Variants in VPS13B observed in about 807,000 individuals in gnomAD.
VPS13B encodes the protein intermembrane lipid transfer protein VPS13B.
VPS13B carries 285 observed loss-of-function variants against 426.4 expected under a neutral mutation model. That is an observed-to-expected ratio of 0.67 (90% CI 0.61 to 0.74). The LOEUF (loss-of-function observed/expected upper bound fraction) is 0.74. Among genes scored for constraint, VPS13B ranks in the 30% least tolerant of loss-of-function variants. The pLI is 0.00. For missense variants in VPS13B, 4,537 were observed against 4,782.6 expected (o/e 0.95, Z 1.51); for synonymous variants, 1,676 against 1,676.4 (o/e 1.00, Z 0.01).
intron 15 of VPS13B, among the ~76,000 whole-genome samples, chr8:99,169,789 T>TA (rs1028708513): frequency 6.6e-6 from 1 of 151,996 alleles, no homozygotes; most frequent in Non-Finnish European, 1.5e-5. Context: ...ATGTGAAACT[T>TA]AAAAAAATTT....
intron 25 of VPS13B, among the ~76,000 whole-genome samples, chr8:99,487,874 C>T (rs1349327551): frequency 6.6e-6 from 1 of 152,106 alleles, no homozygotes; most frequent in Non-Finnish European, 1.5e-5. Context: ...GTTATTTCTA[C>T]CCTTTTGTCT....
At chr8:99,391,781 G>A in intron 21 of VPS13B, 77 bp downstream of exon 21, 2 of 1,549,084 alleles carry the variant, frequency 1.3e-6, no homozygotes, top group Non-Finnish European at 1.8e-6. Flanking sequence ...ACAATTTCAT[G>A]GATGCTGGCC....
chr8:99,605,882 TTTGTTTGTTTGC>T lies in VPS13B; in HGVS notation c.5220+28268_5220+28279del, dbSNP rs755593652. Among the ~76,000 whole-genome samples, 29 of 152,270 alleles carry T rather than the reference TTTGTTTGTTTGC, an allele frequency of 1.9e-4. No individual in the cohort carries two copies. The East Asian group carries it at 2.7e-3, about 14-fold the overall frequency. On this transcript the variant is annotated intron_variant, in intron 33 of 61. Coordinates refer to ENST00000357162, the MANE Select transcript of VPS13B (RefSeq NM_152564.5). ...AAGAGGCCTTGGAGCTGAAACTTTT[TTTGTTTGTTTGC>T]TTGTTTGTTTGCTTGTTTTGAGACA... is the stretch of plus-strand genomic sequence containing the variant.
intron 35 of VPS13B, among the ~76,000 whole-genome samples, chr8:99,663,222 G>A (rs1830312171): frequency 6.6e-6 from 1 of 152,162 alleles, no homozygotes. Flanking sequence ...TACTACAGAT[G>A]GAGAAAGCCA....
intron 36 of VPS13B, among the ~76,000 whole-genome samples, chr8:99,701,956 A>AT (rs533833594): frequency 6.6e-6 from 1 of 152,180 alleles, no homozygotes; most frequent in African/African-American, 2.4e-5. Flanking sequence ...ATTGCCACAT[A>AT]TTTTTTTCAA....
At chr8:99,493,648 G>A (rs1034442832) in intron 25 of VPS13B, among the ~76,000 whole-genome samples, 6 of 152,030 alleles carry the variant, frequency 3.9e-5, no homozygotes, top group African/African-American at 1.4e-4. Context: ...AACTGGGTGT[G>A]GTGGCGTGTG....
chr8:99,354,855 G>GT (rs1812096506), intron 19 of VPS13B, among the ~76,000 whole-genome samples: 1 of 152,048 alleles, frequency 6.6e-6, no homozygotes, highest in East Asian at 1.9e-4. Context: ...CAAGGCCCCA[G>GT]CAGTCTTTGG....
chr8:99,532,160 C>G (rs1357392064), intron 30 of VPS13B, among the ~76,000 whole-genome samples: 2 of 151,932 alleles, frequency 1.3e-5, no homozygotes. Context: ...TTCTGAAGTC[C>G]CTTCTGGAAT....
chr8:99,126,139 A>G (rs939854134), intron 8 of VPS13B, among the ~76,000 whole-genome samples: 1 of 152,196 alleles, frequency 6.6e-6, no homozygotes, highest in Non-Finnish European at 1.5e-5. Flanking sequence ...TGATAGCAGG[A>G]AAGAAAGCAA....
At chr8:99,427,377 G>A (rs1487429628) in intron 21 of VPS13B, among the ~76,000 whole-genome samples, 2 of 141,750 alleles carry the variant, frequency 1.4e-5, no homozygotes, top group African/African-American at 2.7e-5. Context: ...TTTTGGCTTA[G>A]GATTGACTTG....
chr8:99,024,342 A>C (rs1028429016), intron 2 of VPS13B, among the ~76,000 whole-genome samples: 1 of 152,244 alleles, frequency 6.6e-6, no homozygotes, highest in African/African-American at 2.4e-5. Context: ...TATGGATATT[A>C]ACCTCTTATA....
intron 17 of VPS13B, among the ~76,000 whole-genome samples, chr8:99,211,228 G>A (rs1465742865): frequency 2.0e-5 from 3 of 152,142 alleles, no homozygotes; most frequent in Non-Finnish European, 2.9e-5. Flanking sequence ...GGTAAGGGAG[G>A]CTTCTGGCAG....
chr8:99,326,451 G>GTTTTTTT (rs1563669420), intron 19 of VPS13B, among the ~76,000 whole-genome samples: 5 of 19,748 alleles, frequency 2.5e-4, no homozygotes, highest in African/African-American at 1.1e-3. Flanking sequence ...TCTCTAGGTA[G>GTTTTTTT]CTTTTTTTTT....
At chr8:99,533,333 C>G (rs975183522) in intron 30 of VPS13B, among the ~76,000 whole-genome samples, 3 of 152,114 alleles carry the variant, frequency 2.0e-5, no homozygotes, top group African/African-American at 7.2e-5. Flanking sequence ...ACCAAGTGAT[C>G]CAAATACAGA....
intron 19 of VPS13B, among the ~76,000 whole-genome samples, chr8:99,289,066 A>AAAGAAG (rs1350775653): frequency 8.8e-5 from 4 of 45,632 alleles, no homozygotes; most frequent in African/African-American, 3.2e-4. Context: ...AATGAATGAA[A>AAAGAAG]GAAGGAAGGA....
At chr8:99,533,716 A>G (rs1476798387) in intron 30 of VPS13B, among the ~76,000 whole-genome samples, 1 of 152,180 alleles carries the variant, frequency 6.6e-6, no homozygotes, top group African/African-American at 2.4e-5. Flanking sequence ...TAGGAAAACC[A>G]TTCTTTTTTA....
chr8:99,447,221 A>T (rs944889471), intron 23 of VPS13B, among the ~76,000 whole-genome samples: 3 of 152,282 alleles, frequency 2.0e-5, no homozygotes, highest in Admixed American at 2.0e-4. Context: ...TGGTGGCACT[A>T]TGAGTTCAGA....
intron 4 of VPS13B, among the ~76,000 whole-genome samples, chr8:99,098,645 A>G (rs1402938259): frequency 1.3e-5 from 2 of 152,154 alleles, no homozygotes; most frequent in Non-Finnish European, 2.9e-5. Context: ...TCCAATTTAT[A>G]GAGTCAAAAT....
chr8:99,148,842 A>T (rs905362384), intron 14 of VPS13B, among the ~76,000 whole-genome samples: 1 of 152,256 alleles, frequency 6.6e-6, no homozygotes, highest in Non-Finnish European at 1.5e-5. Flanking sequence ...CCCTGTTGGC[A>T]ACAATTCAGT....
Sources: allele counts gnomAD v4.1 joint callset (sites outside exome capture counted in the v4.1 genomes callset), GRCh38; gene constraint gnomAD v4.1.1; transcripts MANE v1.5; gene names NCBI Gene and HGNC (gene_info 2026-07-23, HGNC 2026-07-21).